Variants in VPS53 observed in about 807,000 individuals in gnomAD.
VPS53 encodes vacuolar protein sorting-associated protein 53 homolog.
In VPS53, 70 loss-of-function variants were observed where a neutral mutation model predicts 107.0. The ratio of observed to expected loss-of-function variants is 0.65; its 90% CI spans 0.54 to 0.80. The LOEUF is 0.80. Ranked by LOEUF, VPS53 falls within the 30% of genes least tolerant of loss-of-function variation. The pLI is 0.00. For synonymous variants in VPS53, 409 were observed against 393.3 expected (o/e 1.04, Z -0.47); for missense variants, 917 against 1,049.4 (o/e 0.87, Z 1.74).
rs552643302 is a variant in VPS53 at position 562,785 on chromosome 17, C to A, written c.1314-40G>T. ...AAAAACCAAAAATGTTATTTTACTT[C>A]AAGAAAAGTAAAGCAAATGTGCTCG... is the stretch of plus-strand genomic sequence containing the variant. On this transcript the variant is annotated intron_variant, in intron 13 of 21. Coordinates refer to ENST00000437048, the MANE Select transcript of VPS53 (RefSeq NM_001128159.3). 22 of 1,585,288 alleles carry A rather than the reference C, an allele frequency of 1.4e-5. No individual in the cohort carries two copies. In the South Asian group the frequency reaches 2.3e-4, roughly 16 times the overall value.
rs1908202669 is a variant in VPS53, at chr17:515,035, C to G, written c.*4093G>C. The G allele has an allele frequency of 6.6e-6, 1 of 152,186 alleles. No homozygotes were observed. The highest frequency in any genetic ancestry group is 2.4e-5 in the African/African-American group (1 of 41,430). 9.4% of individuals were successfully genotyped at this position (152,186 alleles called of 1,614,324 possible). A position where few individuals can be genotyped will look rare whatever the true frequency, so the allele number is the denominator to read the frequency against. ...CGCTAAGCCAGCTTTCAGACAAGTC[C>G]CCTCAGTAAGAGCAGAGTGAACTCT... is the stretch of plus-strand genomic sequence containing the variant. On this transcript the variant is annotated 3_prime_UTR_variant, in exon 22 of 22. Coordinates refer to ENST00000437048, the MANE Select transcript of VPS53 (RefSeq NM_001128159.3).
chr17:632,431 G>C (rs1482178178), intron 7 of VPS53, among the ~76,000 whole-genome samples: 2 of 152,038 alleles, frequency 1.3e-5, no homozygotes, highest in African/African-American at 4.8e-5. Flanking sequence ...GTGAAGTCTT[G>C]ATACAGGCAT....
intron 11 of VPS53, among the ~76,000 whole-genome samples, chr17:609,014 T>C (rs12947836): frequency 6.6e-6 from 1 of 152,164 alleles, no homozygotes; most frequent in South Asian, 2.1e-4. Context: ...TTCTAAATTG[T>C]GATGTAATTC....
At chr17:654,593 C>T (rs1305391051) in intron 6 of VPS53, among the ~76,000 whole-genome samples, 6 of 151,524 alleles carry the variant, frequency 4.0e-5, no homozygotes, top group African/African-American at 1.2e-4. Flanking sequence ...AAAAATTAAC[C>T]GGGCTTAGTG....
At chr17:577,692 T>C (rs1914749473) in intron 13 of VPS53, among the ~76,000 whole-genome samples, 1 of 150,866 alleles carries the variant, frequency 6.6e-6, no homozygotes, top group African/African-American at 2.4e-5. Context: ...CTCAGTGCAT[T>C]ACCAGAGAAC....
chr17:597,990 CCTCTCTTT>C (rs200720265), intron 12 of VPS53, among the ~76,000 whole-genome samples: 67 of 22,198 alleles, frequency 3.0e-3, no homozygotes, highest in Middle Eastern at 0.025. Flanking sequence ...TCTCCCTCTC[CCTCTCTTT>C]CCACGGTCTC....
At chr17:531,048 T>C (rs1422859551) in intron 19 of VPS53, among the ~76,000 whole-genome samples, 2 of 152,248 alleles carry the variant, frequency 1.3e-5, no homozygotes. Context: ...GCTCCACTAC[T>C]GGAGGCAGCG....
intron 11 of VPS53, among the ~76,000 whole-genome samples, chr17:612,518 C>T (rs1312553400): frequency 7.4e-6 from 1 of 134,504 alleles, no homozygotes; most frequent in Non-Finnish European, 1.6e-5. Flanking sequence ...CAGTGAAAAC[C>T]TGTACAAATA....
chr17:613,957 T>G (rs1231210708), intron 11 of VPS53, among the ~76,000 whole-genome samples: 1 of 152,240 alleles, frequency 6.6e-6, no homozygotes, highest in Non-Finnish European at 1.5e-5. Flanking sequence ...AATGATGCAC[T>G]GACACACACC....
chr17:574,191 G>GC (rs1914415137), intron 13 of VPS53, among the ~76,000 whole-genome samples: 1 of 152,168 alleles, frequency 6.6e-6, no homozygotes, highest in Non-Finnish European at 1.5e-5. Flanking sequence ...AGCACAGCCT[G>GC]CGCAGTATCT....
At chr17:696,851 G>A (rs1008688388) in intron 4 of VPS53, among the ~76,000 whole-genome samples, 1 of 143,438 alleles carries the variant, frequency 7.0e-6, no homozygotes, top group South Asian at 2.2e-4. Context: ...GGAGTGCAGC[G>A]GTGCAATCTC....
intron 6 of VPS53, 150 bp from the exon 7 acceptor site, chr17:653,560 T>C (rs927053886): frequency 1.6e-6 from 2 of 1,281,022 alleles, no homozygotes; most frequent in African/African-American, 1.5e-5. Flanking sequence ...CTGTGCGTTG[T>C]GGGAGGAAAA....
At chr17:685,488 T>G (rs1314281552) in intron 4 of VPS53, among the ~76,000 whole-genome samples, 1 of 152,146 alleles carries the variant, frequency 6.6e-6, no homozygotes, top group Non-Finnish European at 1.5e-5. Flanking sequence ...ATTCAACACT[T>G]TAGTATAAAA....
chr17:573,998 T>A (rs1914400123), intron 13 of VPS53, among the ~76,000 whole-genome samples: 1 of 152,220 alleles, frequency 6.6e-6, no homozygotes, highest in Non-Finnish European at 1.5e-5. Flanking sequence ...ATATGGATTT[T>A]TTTGACAAGA....
intron 1 of VPS53, chr17:713,993 C>G (rs1236338834): frequency 6.8e-6 from 1 of 146,170 alleles, no homozygotes; most frequent in Admixed American, 7.1e-5. Flanking sequence ...CGCAGTGAGC[C>G]GAGATCGTGC....
In VPS53 at chr17:516,577, T is replaced by A. The variant is rs1166120749; in HGVS notation, c.*2551A>T. ...TGGGGTTTCACCATATTGGCAAGGA[T>A]GGTCTCAATTTCCTGCGCTTGTGAT... is the stretch of plus-strand genomic sequence containing the variant. On this transcript the variant is annotated 3_prime_UTR_variant, in exon 22 of 22. Transcript: ENST00000437048. The A allele has an allele frequency of 6.6e-6, 1 of 151,888 alleles. No homozygotes were observed. Among genetic ancestry groups the A allele is most frequent in the Non-Finnish European group, 1.5e-5 (1 of 67,970 alleles). 9.4% of individuals were successfully genotyped at this position (151,888 alleles called of 1,614,324 possible).
Position 571,205 on chromosome 17 carries a change from T to TA in VPS53, c.1314-8461dup, listed in dbSNP as rs1170612440. Among the ~76,000 whole-genome samples, 4 of 120,954 alleles carry TA rather than the reference T, an allele frequency of 3.3e-5. 1 individual carries two copies. The highest frequency in any genetic ancestry group is 6.2e-5 in the Non-Finnish European group (4 of 64,228). The allele number at this position is 120,954 out of a possible 152,430, so 79.4% of individuals were successfully genotyped here. ...CCTGTGCCTGTAGTCTCAGTTACTC[T>TA]AGAGGCTGAAGTAGGAGGAGGGGAA... On this transcript the variant is annotated intron_variant, in intron 13 of 21. Transcript: ENST00000437048.
chr17:593,355 C>G (rs1276345877), intron 12 of VPS53, among the ~76,000 whole-genome samples: 1 of 152,078 alleles, frequency 6.6e-6, no homozygotes, highest in Non-Finnish European at 1.5e-5. Flanking sequence ...AAGAAACTAC[C>G]ATCAGAGTGA....
intron 7 of VPS53, among the ~76,000 whole-genome samples, chr17:649,531 G>A (rs1970845428): frequency 7.2e-6 from 1 of 139,182 alleles, no homozygotes; most frequent in Non-Finnish European, 1.6e-5. Flanking sequence ...GGAGGACAGA[G>A]GAATGGAACA....
Sources: allele counts gnomAD v4.1 joint callset (sites outside exome capture counted in the v4.1 genomes callset), GRCh38; gene constraint gnomAD v4.1.1; transcripts MANE v1.5; gene names NCBI Gene and HGNC (gene_info 2026-07-23, HGNC 2026-07-21).